EVC2: variants seen among roughly 807,000 people sequenced by gnomAD.
The protein encoded by EVC2 is limbin.
A neutral mutation model predicts 149.3 loss-of-function variants in EVC2; 148 were observed. That is an observed-to-expected ratio of 0.99 (90% CI 0.87 to 1.14). EVC2 has a LOEUF of 1.14. EVC2 is among the 50% of genes most tolerant of loss of function. The pLI is 0.00. For synonymous variants in EVC2, 776 were observed against 649.9 expected, an observed-to-expected ratio of 1.19 and a Z score of -2.95; for missense variants, 1,854 against 1,627.3, an observed-to-expected ratio of 1.14 and a Z score of -2.40.
chr4:5,694,066 A>ACAATC (rs1721303568), intron 3 of EVC2, among the ~76,000 whole-genome samples: 1 of 152,236 alleles, frequency 6.6e-6, no homozygotes, highest in Admixed American at 6.5e-5. Flanking sequence ...TGGTTAAAGC[A>ACAATC]CAATCCAATC....
chr4:5,682,095 T>C (rs1272796785), intron 6 of EVC2, among the ~76,000 whole-genome samples: 1 of 152,198 alleles, frequency 6.6e-6, no homozygotes, highest in African/African-American at 2.4e-5. Context: ...TTAGGTAATA[T>C]AGAACCCTGA....
Position 5,576,374 on chromosome 4 carries a change from G to C in EVC2, c.3138C>G (p.Ser1046Arg), listed in dbSNP as rs73074138. Residue 1046 changes from serine to arginine, a missense_variant, in exon 18 of 22, where the codon AGC becomes AGG. Ser to Arg is a moderately radical substitution (Grantham distance 110, BLOSUM62 -1). Transcript: ENST00000344408. This position sits in a 1 kb window ranked among gnomAD's most constrained non-coding sequence, Gnocchi z 4.5. The stretch of plus-strand genomic sequence containing the variant: ...GCCCATCGGCCACCCACTGCTGCCA[G>C]CTCGCCAGGGCCTGCTGCTGCTGGG... ...EAAQQQQALASWQQWVADGPG... is the reference protein window; with the variant it reads ...EAAQQQQALARWQQWVADGPG... The C allele has an allele frequency of 2.3e-3, 3,682 of 1,614,094 alleles. 36 individuals carry two copies. The African/African-American group carries it at 0.024, about 10-fold the overall frequency.
chr4:5,662,706 T>C (rs1718982721), intron 9 of EVC2, among the ~76,000 whole-genome samples: 2 of 147,732 alleles, frequency 1.4e-5, no homozygotes, highest in East Asian at 3.9e-4. Flanking sequence ...ATTAAAATAA[T>C]AATTATTCAA....
chr4:5,632,899 A>C (rs538560953), intron 10 of EVC2, among the ~76,000 whole-genome samples: 32 of 152,280 alleles, frequency 2.1e-4, no homozygotes, highest in Non-Finnish European at 4.3e-4. Context: ...GCCCCAGTAT[A>C]TATGCCACAT....
chr4:5,566,534 G>C (rs1028995062), intron 20 of EVC2, among the ~76,000 whole-genome samples: 1 of 152,130 alleles, frequency 6.6e-6, no homozygotes, highest in Admixed American at 6.5e-5. Flanking sequence ...AGTTCCCATT[G>C]CTTGAAACCC....
chr4:5,609,683 T>C (rs1714672693), intron 16 of EVC2, among the ~76,000 whole-genome samples: 1 of 152,146 alleles, frequency 6.6e-6, no homozygotes, highest in South Asian at 2.1e-4. Context: ...ATTTCACAGA[T>C]GCAGGAGCCA....
chr4:5,624,147 G>T (rs116295354), intron 13 of EVC2, among the ~76,000 whole-genome samples: 4,116 of 152,224 alleles, frequency 0.027, 146 homozygotes, highest in African/African-American at 0.083. Context: ...GAAAGAACCT[G>T]CCTGGGAGAA....
chr4:5,649,557 C>CA (rs151202062), intron 9 of EVC2, among the ~76,000 whole-genome samples: 9,947 of 152,184 alleles, frequency 0.065, 1,056 homozygotes, highest in African/African-American at 0.22. Context: ...AAATGGCAAG[C>CA]AAGGTGTCAG....
At chr4:5,680,896 C>T (rs999308614) in intron 7 of EVC2, among the ~76,000 whole-genome samples, 1 of 148,146 alleles carries the variant, frequency 6.8e-6, no homozygotes, top group Admixed American at 6.6e-5. Context: ...GAGAGACCCG[C>T]CCCACAGACT....
In EVC2 at chr4:5,706,445, G is replaced by GATAC. The variant is rs1291717875; in HGVS notation, c.228+1837_228+1840dup. ...AGATAGATACATAGATAGATAGATAGATACATACATACATACATACATACA... is the reference window on the plus strand; with the variant it reads ...AGATAGATACATAGATAGATAGATAGATACATACATACATACATACATACATACA... On this transcript the variant is annotated intron_variant, in intron 1 of 21. Transcript: ENST00000344408. Among the ~76,000 whole-genome samples, 14 of 25,760 alleles carry GATAC rather than the reference G, an allele frequency of 5.4e-4. 1 individual carries two copies. The highest frequency in any genetic ancestry group is 8.4e-4 in the African/African-American group (5 of 5,954). 16.9% of individuals were successfully genotyped at this position (25,760 alleles called of 152,430 possible).
chr4:5,572,066 C>G (rs1441253924), intron 19 of EVC2, among the ~76,000 whole-genome samples: 1 of 152,214 alleles, frequency 6.6e-6, no homozygotes, highest in Non-Finnish European at 1.5e-5. Flanking sequence ...AAATCTCTTT[C>G]TCTACAGAGA....
At chr4:5,541,563 G>A (rs1721513966), downstream of EVC2, among the ~76,000 whole-genome samples, 1 of 152,270 alleles carries the variant, frequency 6.6e-6, no homozygotes, top group Middle Eastern at 3.4e-3. Context: ...TTTGGAATAT[G>A]CAGGAAGGAC....
chr4:5,651,166 A>G (rs896906482), intron 9 of EVC2, among the ~76,000 whole-genome samples: 4 of 152,162 alleles, frequency 2.6e-5, no homozygotes, highest in African/African-American at 9.7e-5. Flanking sequence ...GAATGGAGGA[A>G]TGCACGGGTA....
intron 9 of EVC2, among the ~76,000 whole-genome samples, chr4:5,662,645 T>A (rs1185332264): frequency 6.9e-6 from 1 of 145,804 alleles, no homozygotes; most frequent in African/African-American, 2.5e-5. Flanking sequence ...ATATAATATA[T>A]TAATTATATT....
chr4:5,688,860 G>T (rs1316272658), intron 5 of EVC2, among the ~76,000 whole-genome samples: 1 of 152,164 alleles, frequency 6.6e-6, no homozygotes, highest in Non-Finnish European at 1.5e-5. Flanking sequence ...CTTTGTGCAT[G>T]TTTGAAATTT....
intron 20 of EVC2, among the ~76,000 whole-genome samples, chr4:5,565,705 G>T (rs1373224399): frequency 1.3e-5 from 2 of 150,846 alleles, no homozygotes; most frequent in Non-Finnish European, 3.0e-5. Context: ...GAATCTTTAA[G>T]TGATGAGTAA....
chr4:5,591,876 C>A (rs1272017878), intron 16 of EVC2, among the ~76,000 whole-genome samples: 1 of 152,154 alleles, frequency 6.6e-6, no homozygotes, highest in Admixed American at 6.5e-5. Context: ...AAATGATATG[C>A]TGCTAAATAC....
chr4:5,642,579 A>G (rs1203790086), intron 9 of EVC2, among the ~76,000 whole-genome samples: 1 of 152,222 alleles, frequency 6.6e-6, no homozygotes. Flanking sequence ...ACAGAGCTCT[A>G]GATACTCACA....
chr4:5,543,622 G>A (rs1721559034), intron 21 of EVC2, among the ~76,000 whole-genome samples: 1 of 152,162 alleles, frequency 6.6e-6, no homozygotes. Context: ...ATCGGGAAAG[G>A]GGCTGATGGG....
Sources: gnomAD v4.1 joint callset for allele counts (sites outside exome capture counted in the v4.1 genomes callset) on GRCh38, gnomAD v4.1.1 for gene constraint, Gnocchi (gnomAD v3.1) non-coding constraint, MANE v1.5 for transcripts, NCBI Gene and HGNC (gene_info 2026-07-23, HGNC 2026-07-21) for gene names.